C17orf67: variants seen among roughly 807,000 people sequenced by gnomAD.
C17orf67 encodes the protein uncharacterized protein C17orf67.
C17orf67 carries 12 observed loss-of-function variants against 11.2 expected under a neutral mutation model. The ratio of observed to expected loss-of-function variants is 1.07; its 90% CI spans 0.68 to 1.73. The LOEUF (loss-of-function observed/expected upper bound fraction) is 1.73, where lower values mean the gene tolerates loss of function less well. Ranked by LOEUF, C17orf67 falls within the 40% of genes most tolerant of loss-of-function variation. C17orf67 has a pLI of 0.00. For synonymous variants in C17orf67, 59 were observed against 46.9 expected (o/e 1.26, Z -1.05); for missense variants, 115 against 113.5 (o/e 1.01, Z -0.06).
At chr17:56,798,356 G>A (rs1905251212) in intron 6 of C17orf67, among the ~76,000 whole-genome samples, 1 of 152,092 alleles carries the variant, frequency 6.6e-6, no homozygotes, top group Non-Finnish European at 1.5e-5. Context: ...TAGGTTCACA[G>A]CAAAATTGAG....
At chr17:56,828,149 T>C (rs1906092071) in intron 2 of C17orf67, among the ~76,000 whole-genome samples, 1 of 149,278 alleles carries the variant, frequency 6.7e-6, no homozygotes, top group African/African-American at 2.5e-5. Context: ...CTCACGCTTG[T>C]AATCCCAGCA....
At chr17:56,793,901 C>T (rs908220079) in intron 7 of C17orf67, among the ~76,000 whole-genome samples, 3 of 152,200 alleles carry the variant, frequency 2.0e-5, no homozygotes, top group African/African-American at 7.2e-5. Flanking sequence ...GGATGTAGCC[C>T]ATCCCTACCC....
intron 4 of C17orf67, among the ~76,000 whole-genome samples, chr17:56,818,795 G>T (rs1905826629): frequency 6.6e-6 from 1 of 152,122 alleles, no homozygotes; most frequent in Non-Finnish European, 1.5e-5. Flanking sequence ...ATCTGGTGTA[G>T]ATTTTACACT....
chr17:56,822,888 G>A (rs953033800), intron 4 of C17orf67, among the ~76,000 whole-genome samples: 1 of 152,148 alleles, frequency 6.6e-6, no homozygotes, highest in East Asian at 1.9e-4. Flanking sequence ...CTTGGACAGG[G>A]GCCTTTCCGG....
chr17:56,818,213 T>C (rs902260711), intron 4 of C17orf67, among the ~76,000 whole-genome samples: 3 of 152,040 alleles, frequency 2.0e-5, no homozygotes, highest in African/African-American at 4.8e-5. Flanking sequence ...GAGTTTTGTA[T>C]GTGTATATTC....
chr17:56,816,932 C>G (rs1019468964), intron 4 of C17orf67, among the ~76,000 whole-genome samples: 8 of 152,194 alleles, frequency 5.3e-5, no homozygotes, highest in African/African-American at 1.9e-4. Context: ...TCACTGCAGC[C>G]TCTAACTCCC....
chr17:56,807,711 G>A (rs1905486262), intron 6 of C17orf67, among the ~76,000 whole-genome samples: 1 of 151,956 alleles, frequency 6.6e-6, no homozygotes, highest in African/African-American at 2.4e-5. Context: ...CCAAACAGAG[G>A]TTTTTTCTCT....
intron 6 of C17orf67, among the ~76,000 whole-genome samples, chr17:56,810,096 TCACACTTCTGACACACACCCTCACA>T: frequency 1.6e-5 from 1 of 61,608 alleles, no homozygotes; most frequent in Non-Finnish European, 3.5e-5. Context: ...CACACACCCC[TCACACTTCTGACACACACCCTCACA>T]CTCCTTGCAC....
In C17orf67 at chr17:56,833,005, T is replaced by A. The variant is rs1474137992; in HGVS notation, c.-664A>T. 1 of 152,276 alleles carries A rather than the reference T, an allele frequency of 6.6e-6. No homozygotes were observed. Among genetic ancestry groups the A allele is most frequent in the Non-Finnish European group, 1.5e-5 (1 of 68,056 alleles). The allele number at this position is 152,276 out of a possible 1,614,324, so 9.4% of individuals were successfully genotyped here. A position where few individuals can be genotyped will look rare whatever the true frequency, so the allele number is the denominator to read the frequency against. On this transcript the variant is annotated 5_prime_UTR_variant, in exon 2 of 8. Transcript: ENST00000397861. ...TTGCAGTTTTCCTATGATCTCTGCG[T>A]TTCTTTTCTGTTCCTTTGGTCCCTT...
intron 4 of C17orf67, among the ~76,000 whole-genome samples, chr17:56,819,236 C>T (rs1021678742): frequency 4.6e-5 from 7 of 152,124 alleles, no homozygotes; most frequent in Non-Finnish European, 8.8e-5. Context: ...CGCCTCAGGA[C>T]CTTTGCATGT....
intron 3 of C17orf67, 27 bp downstream of exon 3, chr17:56,825,054 A>G (rs1486165207): frequency 6.6e-6 from 1 of 152,228 alleles, no homozygotes; most frequent in Admixed American, 6.5e-5. Flanking sequence ...CAAAATATAA[A>G]CAAAAAAAGT....
chr17:56,812,691 A>C (rs1011214085), intron 6 of C17orf67, among the ~76,000 whole-genome samples: 1 of 152,026 alleles, frequency 6.6e-6, no homozygotes, highest in African/African-American at 2.4e-5. Context: ...GTGGTGGTCA[A>C]GCCTATAAAA....
At chr17:56,828,180 T>C (rs1314097309) in intron 2 of C17orf67, among the ~76,000 whole-genome samples, 1 of 143,086 alleles carries the variant, frequency 7.0e-6, no homozygotes, top group Non-Finnish European at 1.5e-5. Context: ...ACAGGGTGGG[T>C]GGATCATCTG....
In C17orf67 at chr17:56,816,701, G is replaced by A. The variant is rs139094625; in HGVS notation, c.-200-691C>T. On this transcript the variant is annotated intron_variant, in intron 4 of 7. Transcript: ENST00000397861. ...TTTACAGGGCCTCACGCAACATGCT[G>A]TCATAAGACTGGAACCAGCCATGCT... Among the ~76,000 whole-genome samples, 722 of 152,294 alleles carry A rather than the reference G, an allele frequency of 4.7e-3. 2 individuals are homozygous for A. The highest frequency in any genetic ancestry group is 0.016 in the African/African-American group (685 of 41,558).
chr17:56,806,977 G>A (rs1480319561), intron 6 of C17orf67, among the ~76,000 whole-genome samples: 2 of 152,188 alleles, frequency 1.3e-5, no homozygotes, highest in Non-Finnish European at 2.9e-5. Context: ...GTAAAACAGT[G>A]TATTTTGTTT....
rs575055303 is a variant in C17orf67 at position 56,810,373 on chromosome 17, TCACA to T, written c.156+4492_156+4495del. On this transcript the variant is annotated intron_variant, in intron 6 of 7. Transcript: ENST00000397861. Reference sequence around the variant, plus strand: ...CACACACACACCCCTCACACATCCCTCACACACACAAACCCCTCACATGCACAAA... The same window carrying T: ...CACACACACACCCCTCACACATCCCTCACACAAACCCCTCACATGCACAAA... 9.4e-5 allele frequency among the ~76,000 whole-genome samples: 12 copies of T among 127,482 alleles called. No individual in the cohort carries two copies. In the South Asian group the frequency reaches 2.9e-3, roughly 30 times the overall value. 83.6% of individuals were successfully genotyped at this position (127,482 alleles called of 152,430 possible). A position where few individuals can be genotyped will look rare whatever the true frequency, so the allele number is the denominator to read the frequency against.
Position 56,812,483 on chromosome 17 carries a change from T to C in C17orf67, c.156+2386A>G, listed in dbSNP as rs78462215. The stretch of plus-strand genomic sequence containing the variant: ...ACTAGCCACCCAATAATTGACTGCA[T>C]GTTTGTTTCACATTTCAATTGTAAA... On this transcript the variant is annotated intron_variant, in intron 6 of 7. Transcript: ENST00000397861. Among the ~76,000 whole-genome samples, 786 of 152,270 alleles carry C rather than the reference T, an allele frequency of 5.2e-3. 21 individuals are homozygous for C. The East Asian group carries it at 0.087, about 17-fold the overall frequency.
intron 6 of C17orf67, among the ~76,000 whole-genome samples, chr17:56,813,813 CATT>C (rs1006502702): frequency 2.0e-4 from 30 of 151,322 alleles, no homozygotes; most frequent in South Asian, 4.1e-4. Context: ...AATTATTTTA[CATT>C]ATTATTTATA....
chr17:56,805,955 A>C (rs1751579797), intron 6 of C17orf67, among the ~76,000 whole-genome samples: 1 of 149,164 alleles, frequency 6.7e-6, no homozygotes, highest in Non-Finnish European at 1.5e-5. Flanking sequence ...AAGGGACAGG[A>C]CTACAGTTGA....
Sources: allele counts gnomAD v4.1 joint callset (sites outside exome capture counted in the v4.1 genomes callset), GRCh38; gene constraint gnomAD v4.1.1; transcripts MANE v1.5; gene names NCBI Gene and HGNC (gene_info 2026-07-23, HGNC 2026-07-21).